CEP72: variants seen among roughly 807,000 people sequenced by gnomAD.
CEP72 encodes the protein centrosomal protein of 72 kDa.
CEP72 carries 78 observed loss-of-function variants against 65.7 expected under a neutral mutation model. The observed-to-expected ratio is 1.19, with a 90% CI of 0.99 to 1.43. The LOEUF is 1.43. Ranked by LOEUF, CEP72 falls within the 40% of genes most tolerant of loss-of-function variation. CEP72 has a pLI of 0.00. For synonymous variants in CEP72, 358 were observed against 351.7 expected (o/e 1.02, Z -0.20); for missense variants, 914 against 832.9 (o/e 1.10, Z -1.20).
rs532704286 is a variant in CEP72 at position 645,035 on chromosome 5, G to A, written c.1666+610G>A. Among the ~76,000 whole-genome samples the A allele has an allele frequency of 1.4e-4, 22 of 152,176 alleles. No individual in the cohort carries two copies. The highest frequency in any genetic ancestry group is 2.9e-4 in the Non-Finnish European group (20 of 68,006). ...GTCTGCTGTCCACGGTAACCTTCTC[G>A]GTGTGGCGTGGAGTCTCTTGGAAGT... On this transcript the variant is annotated intron_variant, in intron 10 of 11. Coordinates refer to ENST00000264935, the MANE Select transcript of CEP72 (RefSeq NM_018140.4). This position sits in a 1 kb window ranked among gnomAD's most constrained non-coding sequence, Gnocchi z 4.0.
intron 2 of CEP72, chr5:665,039 G>A: frequency 6.5e-7 from 1 of 1,545,778 alleles, no homozygotes; most frequent in South Asian, 1.2e-5. Context: ...ATGTAATGAA[G>A]TGCGAGGTGA....
chr5:632,138 C>T (rs370281952), intron 4 of CEP72, among the ~76,000 whole-genome samples: 91 of 35,314 alleles, frequency 2.6e-3, no homozygotes, highest in South Asian at 6.3e-3. Context: ...TTCTGTCCAG[C>T]GCCGGGATTT....
At position 639,124 on chromosome 5, in the gene CEP72, G is replaced by A; in HGVS notation, c.1242G>A (p.Lys414=). ...SPGSHSALPG[K]KTALQAALLE... ...GGTCACACTCGGCTCTACCCGGGAA[G>A]AAGACGGCCCTGCAGGCGGCGCTCC... is the stretch of plus-strand genomic sequence containing the variant. Residue 414 remains lysine, a synonymous_variant, in exon 8 of 12, where the codon AAG becomes AAA. Coordinates refer to ENST00000264935, the MANE Select transcript of CEP72 (RefSeq NM_018140.4). The A allele has an allele frequency of 6.2e-7, 1 of 1,613,320 alleles. No individual in the cohort carries two copies. Among genetic ancestry groups the A allele is most frequent in the Non-Finnish European group, 8.5e-7 (1 of 1,179,864 alleles).
At position 641,529 on chromosome 5, in the gene CEP72, AAC is replaced by A. The variant is rs1414169193; in HGVS notation, c.1539+929_1539+930del. 7.1e-6 allele frequency: 7 copies of A among 982,312 alleles called. No individual in the cohort carries two copies. The African/African-American group carries it at 1.1e-4, about 15-fold the overall frequency. The allele number at this position is 982,312 out of a possible 1,614,324, so 60.8% of individuals were successfully genotyped here. On this transcript the variant is annotated intron_variant, in intron 9 of 11. Transcript: ENST00000264935. Reference sequence around the variant, plus strand: ...CAACGCTTCCTCTTTAGAGAAGAAAAACACAGCAAAACAACACAGGCAGCCTC... The same window carrying A: ...CAACGCTTCCTCTTTAGAGAAGAAAAACAGCAAAACAACACAGGCAGCCTC...
At chr5:671,866 T>C (rs1008970933), downstream of CEP72, among the ~76,000 whole-genome samples, 5 of 152,000 alleles carry the variant, frequency 3.3e-5, no homozygotes, top group African/African-American at 1.2e-4. Flanking sequence ...CAGGGTTGGG[T>C]GTGGGGAGTG....
chr5:621,643 G>A (rs898952737), intron 3 of CEP72, among the ~76,000 whole-genome samples: 1 of 152,254 alleles, frequency 6.6e-6, no homozygotes, highest in Non-Finnish European at 1.5e-5. Context: ...GCGCCTCAGC[G>A]AGTAGACCGG....
intron 9 of CEP72, chr5:642,380 C>T (rs1019707041): frequency 5.1e-6 from 5 of 985,332 alleles, no homozygotes; most frequent in Admixed American, 6.1e-5. Context: ...TATTTAAACA[C>T]GTGTGGCCCC....
chr5:666,066 G>T, exon 4 of CEP72: 1 of 1,612,322 alleles, frequency 6.2e-7, no homozygotes. Flanking sequence ...GCTTCTTGGC[G>T]AGCTCCTCCA....
chr5:628,942 A>G (rs1378695981), intron 4 of CEP72, among the ~76,000 whole-genome samples: 1 of 142,374 alleles, frequency 7.0e-6, no homozygotes, highest in Non-Finnish European at 1.5e-5. Flanking sequence ...AGCGTTCTGG[A>G]GAACTCAGGT....
chr5:654,040 G>T (rs1471927247), downstream of CEP72, among the ~76,000 whole-genome samples: 1 of 149,336 alleles, frequency 6.7e-6, no homozygotes, highest in Non-Finnish European at 1.5e-5. Flanking sequence ...CGCTTGCTGT[G>T]TGTGTGTGCT....
rs557692106 is a variant in CEP72 at position 648,095 on chromosome 5, C to T, written c.1778+179C>T. On this transcript the variant is annotated intron_variant, in intron 11 of 11. Coordinates refer to ENST00000264935, the MANE Select transcript of CEP72 (RefSeq NM_018140.4). ...TTTCATAAACTTTCCTCTCTGAAAA[C>T]GGAGGCCCTTCATGCTGTCTGTCGC... 1.2e-4 allele frequency among the ~76,000 whole-genome samples: 18 copies of T among 152,380 alleles called. No homozygotes were observed. In the South Asian group the frequency reaches 1.9e-3, roughly 16 times the overall value.
At chr5:633,506 G>A (rs1579971581) in intron 4 of CEP72, among the ~76,000 whole-genome samples, 1 of 151,474 alleles carries the variant, frequency 6.6e-6, no homozygotes, top group East Asian at 1.9e-4. Flanking sequence ...TCCAGTGCTG[G>A]GATTTGGCCC....
At chr5:675,483 GGGGTA>G in the CEP72 span, among the ~76,000 whole-genome samples, 1 of 71,100 alleles carries the variant, frequency 1.4e-5, no homozygotes, top group Non-Finnish European at 2.3e-5. Context: ...AGTGTGGCCA[GGGGTA>G]CATTGTGGCC....
intron 10 of CEP72, among the ~76,000 whole-genome samples, 171 bp downstream of exon 10, chr5:644,596 A>C (rs532654051): frequency 6.0e-4 from 92 of 152,184 alleles, no homozygotes; most frequent in African/African-American, 2.1e-3. Context: ...CCTCGGCCGG[A>C]GTTTATGGCA....
intron 4 of CEP72, among the ~76,000 whole-genome samples, chr5:627,556 C>T (rs957356723): frequency 6.6e-6 from 1 of 152,050 alleles, no homozygotes; most frequent in African/African-American, 2.4e-5. Flanking sequence ...TAGCTGGGTT[C>T]TGAGTTCCAA....
chr5:626,531 T>A (rs1736768984), intron 4 of CEP72, among the ~76,000 whole-genome samples: 1 of 152,204 alleles, frequency 6.6e-6, no homozygotes, highest in Non-Finnish European at 1.5e-5. Context: ...TTTCAAACAT[T>A]GAACTGGGCC....
chr5:615,985 C>G (rs1247306240), intron 1 of CEP72, among the ~76,000 whole-genome samples: 3 of 152,120 alleles, frequency 2.0e-5, no homozygotes, highest in South Asian at 4.1e-4. Context: ...ATTTAGTTGT[C>G]TTAAGTATTT....
intron 4 of CEP72, among the ~76,000 whole-genome samples, chr5:633,084 T>TA (rs2126774435): frequency 4.2e-5 from 3 of 71,736 alleles, no homozygotes; most frequent in East Asian, 3.4e-4. Context: ...TGCCGGGATT[T>TA]GACCCAGTCC....
chr5:659,017 C>T (rs543809115), downstream of CEP72, among the ~76,000 whole-genome samples: 1 of 152,210 alleles, frequency 6.6e-6, no homozygotes, highest in Non-Finnish European at 1.5e-5. Context: ...TCTGCCATCT[C>T]ATTTTGTGCT....
Sources: allele counts gnomAD v4.1 joint callset (sites outside exome capture counted in the v4.1 genomes callset), GRCh38; gene constraint gnomAD v4.1.1; non-coding constraint Gnocchi (gnomAD v3.1); transcripts MANE v1.5; gene names NCBI Gene and HGNC (gene_info 2026-07-23, HGNC 2026-07-21).